TRIM22: variants seen among roughly 807,000 people sequenced by gnomAD.
The protein encoded by TRIM22 is tripartite motif containing 22.
In TRIM22, 45 loss-of-function variants were observed where a neutral mutation model predicts 53.6. The observed-to-expected ratio is 0.84, with a 90% CI of 0.66 to 1.08. The LOEUF (loss-of-function observed/expected upper bound fraction) is 1.08, where lower values mean the gene tolerates loss of function less well. Ranked by LOEUF, TRIM22 falls within the 50% of genes least tolerant of loss-of-function variation. TRIM22 has a pLI of 0.00. For missense variants in TRIM22, 616 were observed against 590.9 expected, an observed-to-expected ratio of 1.04 and a Z score of -0.44; for synonymous variants, 225 against 216.6, an observed-to-expected ratio of 1.04 and a Z score of -0.34.
chr11:5,707,538 A>C (rs970468216), intron 5 of TRIM22, among the ~76,000 whole-genome samples: 1 of 152,178 alleles, frequency 6.6e-6, no homozygotes, highest in African/African-American at 2.4e-5. Flanking sequence ...GGCTGGGTGC[A>C]GTGGGTCACG....
At chr11:5,692,570 G>A (rs997282046) in intron 1 of TRIM22, among the ~76,000 whole-genome samples, 1 of 152,204 alleles carries the variant, frequency 6.6e-6, no homozygotes, top group Admixed American at 6.5e-5. Flanking sequence ...GTGTTTCTGA[G>A]TTCTCCAGGT....
chr11:5,690,427 ATAAGGT>A (rs902998867), intron 1 of TRIM22, among the ~76,000 whole-genome samples: 30 of 152,222 alleles, frequency 2.0e-4, no homozygotes, highest in African/African-American at 7.2e-4. Context: ...CTTTCTTTAG[ATAAGGT>A]GGGCACGTGA....
At chr11:5,692,793 C>CAAA (rs749260436) in intron 1 of TRIM22, among the ~76,000 whole-genome samples, 4,173 of 95,632 alleles carry the variant, frequency 0.044, 140 homozygotes, top group Middle Eastern at 0.061. Context: ...GACCTTGTCT[C>CAAA]AAAAAAAAAA....
At chr11:5,708,304 T>G in intron 6 of TRIM22, 31 bp downstream of exon 6, 1 of 1,591,460 alleles carries the variant, frequency 6.3e-7, no homozygotes, top group Non-Finnish European at 8.6e-7. Flanking sequence ...GCTGTGAATG[T>G]GGATTTCTTA....
chr11:5,701,877 G>C (rs2179), intron 4 of TRIM22, among the ~76,000 whole-genome samples: 112,999 of 151,876 alleles, frequency 0.74, 42,515 homozygotes, highest in African/African-American at 0.83. Context: ...TACGTTGTTA[G>C]AGCAACCCCA....
intron 4 of TRIM22, among the ~76,000 whole-genome samples, chr11:5,704,228 T>C (rs1853421675): frequency 6.6e-6 from 1 of 151,852 alleles, no homozygotes; most frequent in Non-Finnish European, 1.5e-5. Flanking sequence ...TTCTTTTTAT[T>C]TTTACTCTTT....
intron 4 of TRIM22, among the ~76,000 whole-genome samples, chr11:5,700,550 T>C (rs907829643): frequency 2.7e-5 from 4 of 150,420 alleles, no homozygotes; most frequent in African/African-American, 7.3e-5. Context: ...GTACTCAGTC[T>C]CTCACTTATA....
intron 4 of TRIM22, among the ~76,000 whole-genome samples, chr11:5,699,853 T>C (rs898137140): frequency 6.6e-6 from 1 of 151,880 alleles, no homozygotes; most frequent in African/African-American, 2.4e-5. Context: ...GTAGATTCTG[T>C]ACCTTTTTAA....
At chr11:5,693,189 C>CTTTTTT (rs55820335) in intron 1 of TRIM22, among the ~76,000 whole-genome samples, 1 of 125,602 alleles carries the variant, frequency 8.0e-6, no homozygotes, top group Admixed American at 8.2e-5. Flanking sequence ...GCCTGGCCAT[C>CTTTTTT]TTTTTTTTTT....
intron 4 of TRIM22, among the ~76,000 whole-genome samples, chr11:5,702,829 C>G (rs956321608): frequency 1.3e-5 from 2 of 152,144 alleles, no homozygotes; most frequent in Non-Finnish European, 2.9e-5. Context: ...TGAATAATGT[C>G]TTTTAACGTT....
At chr11:5,703,629 C>T (rs1205014961) in intron 4 of TRIM22, among the ~76,000 whole-genome samples, 2 of 152,088 alleles carry the variant, frequency 1.3e-5, no homozygotes, top group Non-Finnish European at 2.9e-5. Context: ...TCGTGATCCG[C>T]CCACCTCAGC....
intron 1 of TRIM22, among the ~76,000 whole-genome samples, chr11:5,692,073 G>A (rs751225995): frequency 2.6e-5 from 4 of 152,016 alleles, no homozygotes; most frequent in Non-Finnish European, 2.9e-5. Flanking sequence ...ATTAAATACC[G>A]GTAAGAGATT....
At chr11:5,690,491 C>G (rs1456635106) in intron 1 of TRIM22, among the ~76,000 whole-genome samples, 2 of 152,088 alleles carry the variant, frequency 1.3e-5, no homozygotes, top group Non-Finnish European at 2.9e-5. Context: ...AGCTAGATAA[C>G]TAATCTTCTT....
intron 2 of TRIM22, 198 bp downstream of exon 2, chr11:5,696,853 A>G: frequency 1.7e-6 from 1 of 599,520 alleles, no homozygotes; most frequent in Non-Finnish European, 2.8e-6. Context: ...AAAGAGTACA[A>G]ATTTTTAGCA....
chr11:5,709,092 T>C lies in TRIM22; in HGVS notation c.941T>C (p.Val314Ala), dbSNP rs1190764580. ...AATCCAGGCAGTGCCACTTCGAATG[T>C]TGCTATTTCTGTGGATCAGAGACAA... ...MLNPGSATSNVAISVDQRQVK... is the reference protein window; with the variant it reads ...MLNPGSATSNAAISVDQRQVK... Residue 314 changes from valine to alanine, a missense_variant, in exon 8 of 8, where the codon GTT becomes GCT. Physicochemically the swap from Val to Ala is moderately conservative, Grantham distance 64 (BLOSUM62 0). Coordinates refer to ENST00000379965, the MANE Select transcript of TRIM22 (RefSeq NM_006074.5). 1.9e-6 allele frequency: 3 copies of C among 1,613,828 alleles called. No individual in the cohort carries two copies. The highest frequency in any genetic ancestry group is 1.3e-5 in the African/African-American group (1 of 74,936).
chr11:5,704,649 T>G (rs1853430030), intron 4 of TRIM22, among the ~76,000 whole-genome samples: 1 of 152,198 alleles, frequency 6.6e-6, no homozygotes, highest in Admixed American at 6.5e-5. Context: ...GGTAAAGATC[T>G]GTTTATTTAT....
At chr11:5,702,246 T>C (rs970982597) in intron 4 of TRIM22, among the ~76,000 whole-genome samples, 17 of 144,806 alleles carry the variant, frequency 1.2e-4, no homozygotes, top group African/African-American at 4.3e-4. Flanking sequence ...TATTATATTA[T>C]ATATAGTTAT....
At chr11:5,708,876 T>C (rs899304193) in intron 7 of TRIM22, among the ~76,000 whole-genome samples, 177 bp from the exon 8 acceptor site, 3 of 152,190 alleles carry the variant, frequency 2.0e-5, no homozygotes, top group African/African-American at 7.2e-5. Context: ...GCCACCACGC[T>C]TGGCTAATTT....
At chr11:5,698,066 C>T in intron 3 of TRIM22, 1 of 435,214 alleles carries the variant, frequency 2.3e-6, no homozygotes, top group South Asian at 2.4e-5. Flanking sequence ...CAATCCAAGC[C>T]TCACCCAGGC....
Sources: gnomAD v4.1 joint callset for allele counts (sites outside exome capture counted in the v4.1 genomes callset) on GRCh38, gnomAD v4.1.1 for gene constraint, MANE v1.5 for transcripts, NCBI Gene and HGNC (gene_info 2026-07-23, HGNC 2026-07-21) for gene names.